FER1L6: variants seen among roughly 807,000 people sequenced by gnomAD.
FER1L6 encodes fer-1 like family member 6.
A neutral mutation model predicts 219.2 loss-of-function variants in FER1L6; 177 were observed. That is an observed-to-expected ratio of 0.81 (90% confidence interval 0.71 to 0.91). FER1L6 has a LOEUF of 0.91. Ranked by LOEUF, FER1L6 falls within the 40% of genes least tolerant of loss-of-function variation. FER1L6 has a pLI of 0.00. For synonymous variants in FER1L6, 768 were observed against 824.3 expected (o/e 0.93, Z 1.17); for missense variants, 2,153 against 2,259.9 (o/e 0.95, Z 0.96).
At chr8:124,117,556 T>C (rs1431156273) in intron 39 of FER1L6, among the ~76,000 whole-genome samples, 3 of 152,238 alleles carry the variant, frequency 2.0e-5, no homozygotes, top group Non-Finnish European at 4.4e-5. Context: ...CATTTAATGC[T>C]ACTCTGAGTT....
At chr8:124,095,996 G>A (rs894392612) in intron 35 of FER1L6, among the ~76,000 whole-genome samples, 4 of 152,144 alleles carry the variant, frequency 2.6e-5, no homozygotes, top group African/African-American at 7.2e-5. Context: ...TCCCAGCTCT[G>A]GACTCACTCA....
chr8:123,927,049 A>G (rs1813590382), intron 1 of FER1L6, among the ~76,000 whole-genome samples: 1 of 152,092 alleles, frequency 6.6e-6, no homozygotes, highest in Non-Finnish European at 1.5e-5. Flanking sequence ...CAATTTAGTT[A>G]ATGCTCATGA....
intron 6 of FER1L6, among the ~76,000 whole-genome samples, chr8:123,970,617 T>C (rs892493620): frequency 2.6e-5 from 4 of 152,262 alleles, no homozygotes; most frequent in African/African-American, 4.8e-5. Context: ...GTGGTGGCCA[T>C]TGGGATTTTC....
chr8:124,054,348 G>A (rs1396139139), intron 22 of FER1L6, among the ~76,000 whole-genome samples: 1 of 152,160 alleles, frequency 6.6e-6, no homozygotes, highest in Admixed American at 6.5e-5. Context: ...CTTGAGAAAT[G>A]CTTTATATCA....
At chr8:124,094,005 T>C (rs531341192) in intron 34 of FER1L6, among the ~76,000 whole-genome samples, 25 of 152,190 alleles carry the variant, frequency 1.6e-4, no homozygotes, top group Admixed American at 3.3e-4. Flanking sequence ...TCAACAATTT[T>C]TGTCTTGTTT....
intron 39 of FER1L6, among the ~76,000 whole-genome samples, chr8:124,105,184 G>C (rs1007785132): frequency 6.6e-6 from 1 of 152,204 alleles, no homozygotes; most frequent in Non-Finnish European, 1.5e-5. Context: ...AGCCACAGGA[G>C]GAAGAGCATT....
At chr8:124,113,092 G>A (rs1244205040) in intron 39 of FER1L6, among the ~76,000 whole-genome samples, 3 of 151,796 alleles carry the variant, frequency 2.0e-5, no homozygotes, top group Non-Finnish European at 4.4e-5. Flanking sequence ...GTTTTCTAAT[G>A]AGCATTCCCC....
intron 24 of FER1L6, 47 bp from the exon 25 acceptor site, chr8:124,061,805 A>T (rs1200648058): frequency 1.9e-6 from 3 of 1,596,854 alleles, no homozygotes; most frequent in Non-Finnish European, 8.6e-7. Flanking sequence ...GGGTCTGCCC[A>T]TGGAAGGGTC....
intron 33 of FER1L6, among the ~76,000 whole-genome samples, chr8:124,082,989 G>A (rs1300538711): frequency 1.3e-5 from 1 of 75,532 alleles, no homozygotes; most frequent in Middle Eastern, 5.8e-3. Flanking sequence ...AAATGTGTAT[G>A]TGTGTGTGTA....
intron 15 of FER1L6, among the ~76,000 whole-genome samples, chr8:124,016,467 T>C (rs1818204199): frequency 6.6e-6 from 1 of 151,306 alleles, no homozygotes; most frequent in African/African-American, 2.5e-5. Context: ...ATGCTCATCA[T>C]TAAAAAAAAA....
At chr8:124,058,174 T>A (rs145781925) in intron 22 of FER1L6, among the ~76,000 whole-genome samples, 108 of 152,236 alleles carry the variant, frequency 7.1e-4, no homozygotes, top group African/African-American at 2.3e-3. Context: ...GCATCAGTGA[T>A]TTTTCAGATG....
At chr8:124,070,261 A>C (rs1317443511) in intron 29 of FER1L6, among the ~76,000 whole-genome samples, 1 of 152,250 alleles carries the variant, frequency 6.6e-6, no homozygotes, top group Non-Finnish European at 1.5e-5. Context: ...GGAATTTAAA[A>C]GTTCATCAGA....
chr8:123,977,377 G>GTCCC (rs1318497962), intron 9 of FER1L6, 40 bp from the exon 10 acceptor site: 4 of 1,577,688 alleles, frequency 2.5e-6, no homozygotes, highest in Non-Finnish European at 2.6e-6. Context: ...TAGTCAGTCA[G>GTCCC]TCCCTTCCAT....
chr8:124,026,019 TA>T (rs773338763), intron 18 of FER1L6, among the ~76,000 whole-genome samples: 1 of 152,066 alleles, frequency 6.6e-6, no homozygotes, highest in Non-Finnish European at 1.5e-5. Context: ...TGTAAAAATA[TA>T]AAATTTTCAA....
intron 1 of FER1L6, among the ~76,000 whole-genome samples, chr8:123,892,085 A>G (rs1000494224): frequency 6.6e-6 from 1 of 152,330 alleles, no homozygotes; most frequent in Non-Finnish European, 1.5e-5. Context: ...TAAAAGGTTT[A>G]TAGAAATCTT....
chr8:124,101,438 C>G (rs1416953321), intron 38 of FER1L6, 100 bp downstream of exon 38: 5 of 1,131,292 alleles, frequency 4.4e-6, no homozygotes, highest in Non-Finnish European at 6.3e-6. Context: ...ATAATTTCAG[C>G]ACTATCTATG....
chr8:124,087,569 T>A (rs969791032), intron 33 of FER1L6, among the ~76,000 whole-genome samples: 1 of 152,194 alleles, frequency 6.6e-6, no homozygotes, highest in Non-Finnish European at 1.5e-5. Context: ...CCTGGATTGG[T>A]CACTGGTGCC....
chr8:123,874,432 A>G (rs1369302798), intron 1 of FER1L6, among the ~76,000 whole-genome samples: 1 of 152,204 alleles, frequency 6.6e-6, no homozygotes, highest in Non-Finnish European at 1.5e-5. Context: ...GAGTAAATGA[A>G]TCATGCATGT....
chr8:124,054,679 G>A (rs1272805727), intron 22 of FER1L6, among the ~76,000 whole-genome samples: 1 of 152,168 alleles, frequency 6.6e-6, no homozygotes, highest in Non-Finnish European at 1.5e-5. Context: ...TAGATGCGGA[G>A]GGAAGAGCAA....
Sources: allele counts gnomAD v4.1 joint callset (sites outside exome capture counted in the v4.1 genomes callset), GRCh38; gene constraint gnomAD v4.1.1; transcripts MANE v1.5; gene names NCBI Gene and HGNC (gene_info 2026-07-23, HGNC 2026-07-21).